The following STXBP4 variants were observed in gnomAD, a reference collection of about 807,000 sequenced individuals.
STXBP4 encodes the protein syntaxin binding protein 4.
A neutral mutation model predicts 76.1 loss-of-function variants in STXBP4; 55 were observed. That is an observed-to-expected ratio of 0.72 (90% CI 0.58 to 0.91). The LOEUF (loss-of-function observed/expected upper bound fraction) is 0.91. STXBP4 is among the 40% of genes least tolerant of loss of function. The pLI, the probability that STXBP4 is intolerant of heterozygous loss-of-function variation, is 0.00. For synonymous variants in STXBP4, 201 were observed against 220.2 expected (o/e 0.91, Z 0.77); for missense variants, 618 against 636.9 (o/e 0.97, Z 0.32).
intron 17 of STXBP4, among the ~76,000 whole-genome samples, chr17:55,149,772 G>A (rs1339914585): frequency 6.6e-6 from 1 of 152,118 alleles, no homozygotes; most frequent in African/African-American, 2.4e-5. Flanking sequence ...AGGATTTTCT[G>A]TAAATACCTA....
intron 4 of STXBP4, among the ~76,000 whole-genome samples, chr17:54,998,447 G>T (rs1284778638): frequency 6.6e-6 from 1 of 152,100 alleles, no homozygotes; most frequent in Admixed American, 6.6e-5. Flanking sequence ...ACAAAAACTG[G>T]GAAACTTATC....
intron 16 of STXBP4, among the ~76,000 whole-genome samples, chr17:55,105,468 C>CTTTTTTTTT (rs778376430): frequency 9.3e-6 from 1 of 108,098 alleles, no homozygotes; most frequent in African/African-American, 3.0e-5. Context: ...TCTTTCTTTT[C>CTTTTTTTTT]TTTTTTTTTT....
chr17:55,153,190 G>A (rs1167350571), intron 17 of STXBP4, among the ~76,000 whole-genome samples: 1 of 152,180 alleles, frequency 6.6e-6, no homozygotes, highest in East Asian at 1.9e-4. Context: ...CTAAAAGACA[G>A]TTAATTCCAT....
the STXBP4 span, among the ~76,000 whole-genome samples, chr17:55,190,977 G>A: frequency 6.6e-6 from 1 of 152,280 alleles, no homozygotes; most frequent in Middle Eastern, 3.4e-3. Context: ...TGATAGTCAG[G>A]GGAAAGGCCA....
intron 11 of STXBP4, chr17:55,043,804 A>C: frequency 1.6e-6 from 1 of 616,292 alleles, no homozygotes; most frequent in Non-Finnish European, 2.7e-6. Context: ...ATATACTGTA[A>C]CATTTTTCTT....
At chr17:55,207,415 C>T in the STXBP4 span, among the ~76,000 whole-genome samples, 1 of 152,148 alleles carries the variant, frequency 6.6e-6, no homozygotes, top group Non-Finnish European at 1.5e-5. Flanking sequence ...AGCAGGTATT[C>T]GGCCAAGGAA....
intron 12 of STXBP4, among the ~76,000 whole-genome samples, chr17:55,055,415 A>G (rs534314075): frequency 6.6e-6 from 1 of 152,228 alleles, no homozygotes; most frequent in African/African-American, 2.4e-5. Flanking sequence ...GAATTTTGCC[A>G]CTTTTCACCA....
chr17:55,004,867 C>A (rs1178214043), intron 7 of STXBP4, among the ~76,000 whole-genome samples: 5 of 151,904 alleles, frequency 3.3e-5, no homozygotes, highest in Non-Finnish European at 7.4e-5. Flanking sequence ...AAACTCACTC[C>A]CCCAGAAAGG....
intron 7 of STXBP4, among the ~76,000 whole-genome samples, chr17:55,001,914 G>A (rs1441102639): frequency 6.6e-6 from 1 of 152,184 alleles, no homozygotes; most frequent in African/African-American, 2.4e-5. Context: ...TGACAGGCGT[G>A]AGCCACCGCT....
chr17:55,193,863 A>G, the STXBP4 span, among the ~76,000 whole-genome samples: 7 of 150,802 alleles, frequency 4.6e-5, no homozygotes, highest in Non-Finnish European at 1.0e-4. Flanking sequence ...CAAGGTGTCC[A>G]TGACAGGCAA....
At chr17:55,057,401 G>T (rs1036264980) in intron 12 of STXBP4, among the ~76,000 whole-genome samples, 1 of 152,162 alleles carries the variant, frequency 6.6e-6, no homozygotes, top group Non-Finnish European at 1.5e-5. Context: ...GTTAGCAACT[G>T]TATCTATGAT....
intron 4 of STXBP4, among the ~76,000 whole-genome samples, chr17:54,994,585 A>G (rs568061638): frequency 6.6e-6 from 1 of 152,266 alleles, no homozygotes; most frequent in South Asian, 2.1e-4. Context: ...CTTTATTCTT[A>G]TCACTGGAGC....
At chr17:55,207,495 C>G in the STXBP4 span, among the ~76,000 whole-genome samples, 1 of 152,188 alleles carries the variant, frequency 6.6e-6, no homozygotes, top group East Asian at 1.9e-4. Flanking sequence ...GGGCCTGAAA[C>G]AGAGGAGGAG....
At chr17:55,151,249 G>A (rs1178113262) in intron 17 of STXBP4, among the ~76,000 whole-genome samples, 2 of 152,198 alleles carry the variant, frequency 1.3e-5, no homozygotes, top group East Asian at 1.9e-4. Flanking sequence ...AGAGTGGGGA[G>A]GGTAGTGGTC....
chr17:55,102,745 A>G (rs750626003), intron 16 of STXBP4, among the ~76,000 whole-genome samples: 2 of 152,214 alleles, frequency 1.3e-5, no homozygotes, highest in Non-Finnish European at 2.9e-5. Flanking sequence ...TCCCACCAAC[A>G]GTGTAAAAGT....
intron 1 of STXBP4, among the ~76,000 whole-genome samples, chr17:54,984,333 T>G (rs1407821820): frequency 1.5e-5 from 2 of 129,668 alleles, no homozygotes; most frequent in African/African-American, 3.3e-5. Context: ...TCTCTTTTTC[T>G]TTTTTCTTTT....
chr17:54,988,108 A>G (rs1377149742), intron 3 of STXBP4, among the ~76,000 whole-genome samples: 1 of 152,252 alleles, frequency 6.6e-6, no homozygotes, highest in Non-Finnish European at 1.5e-5. Context: ...TCAACAACAT[A>G]GACATTGCTT....
chr17:55,124,941 C>CT (rs2079892323), intron 16 of STXBP4, among the ~76,000 whole-genome samples: 1 of 152,176 alleles, frequency 6.6e-6, no homozygotes, highest in South Asian at 2.1e-4. Context: ...TCTGAGGACA[C>CT]TAACTTTGTG....
At chr17:55,030,949 A>C (rs2078496603) in intron 8 of STXBP4, 1 of 421,098 alleles carries the variant, frequency 2.4e-6, no homozygotes, top group Admixed American at 3.6e-5. Flanking sequence ...GGTATTAGCT[A>C]AAGTGCTAGT....
Sources: gnomAD v4.1 joint callset for allele counts (sites outside exome capture counted in the v4.1 genomes callset) on GRCh38, gnomAD v4.1.1 for gene constraint, MANE v1.5 for transcripts, NCBI Gene and HGNC (gene_info 2026-07-23, HGNC 2026-07-21) for gene names.